Variants in NAA25 observed in about 807,000 individuals in gnomAD.
NAA25 encodes N-terminal acetyltransferase B complex subunit NAA25.
NAA25 carries 30 observed loss-of-function variants against 132.5 expected under a neutral mutation model. The ratio of observed to expected loss-of-function variants is 0.23; its 90% CI spans 0.17 to 0.31. The LOEUF (loss-of-function observed/expected upper bound fraction) is 0.31, where lower values mean the gene tolerates loss of function less well. Ranked by LOEUF, NAA25 falls within the 10% of genes least tolerant of loss-of-function variation. The pLI is 1.00. For missense variants in NAA25, 771 were observed against 1,150.4 expected (o/e 0.67, Z 4.77); for synonymous variants, 359 against 401.9 (o/e 0.89, Z 1.28).
Position 112,062,354 on chromosome 12 carries a change from T to C in NAA25, c.1150-966A>G, listed in dbSNP as rs796973651. ...AGGCAGAGGTTGCTGTGAGCCAAGA[T>C]TGTTCTACTGCACTCCAGCCTGGGC... On this transcript the variant is annotated intron_variant, in intron 11 of 23. Coordinates refer to ENST00000261745, the MANE Select transcript of NAA25 (RefSeq NM_024953.4). Among the ~76,000 whole-genome samples the C allele has an allele frequency of 1.8e-3, 274 of 151,096 alleles. 1 individual carries two copies. The highest frequency in any genetic ancestry group is 6.0e-3 in the African/African-American group (247 of 41,052).
chr12:112,043,547 C>G, intron 18 of NAA25, 78 bp downstream of exon 18: 1 of 1,511,278 alleles, frequency 6.6e-7, no homozygotes, highest in Non-Finnish European at 9.0e-7. Context: ...TACTACTCAC[C>G]CACCCCAAAC....
At chr12:112,051,754 A>G (rs1400463348) in intron 15 of NAA25, among the ~76,000 whole-genome samples, 2 of 152,212 alleles carry the variant, frequency 1.3e-5, no homozygotes, top group African/African-American at 4.8e-5. Flanking sequence ...AGGATGACAC[A>G]TCCCCTCAAA....
In NAA25 at chr12:112,043,647, C is replaced by T. The variant is rs1310579125; in HGVS notation, c.2228G>A (p.Arg743Gln). The T allele has an allele frequency of 6.2e-6, 10 of 1,614,074 alleles. No individual in the cohort carries two copies. The highest frequency in any genetic ancestry group is 3.3e-5 in the Admixed American group (2 of 60,012). The change falls in exon 18 of 24, where the codon CGA becomes CAA. Residue 743 changes from arginine to glutamine, a missense_variant. Arg to Gln is a conservative substitution (Grantham distance 43, BLOSUM62 1). Coordinates refer to ENST00000261745, the MANE Select transcript of NAA25 (RefSeq NM_024953.4). ...QLEATLETGK[R>Q]FIEKDIQYPF... Reference sequence around the variant, plus strand: ...TACCTGAATATCCTTCTCAATAAATCGCTTTCCTGTCTCCAGGGTTGCCTC... The same window carrying T: ...TACCTGAATATCCTTCTCAATAAATTGCTTTCCTGTCTCCAGGGTTGCCTC...
intron 9 of NAA25, 137 bp downstream of exon 9, chr12:112,074,538 A>T (rs2078867436): frequency 2.0e-6 from 1 of 496,868 alleles, no homozygotes; most frequent in Admixed American, 4.0e-5. Flanking sequence ...TACTTTAAAA[A>T]ATATGAAAAA....
At chr12:112,099,550 T>C (rs897295746) in intron 1 of NAA25, among the ~76,000 whole-genome samples, 2 of 152,122 alleles carry the variant, frequency 1.3e-5, no homozygotes, top group Non-Finnish European at 2.9e-5. Context: ...AAAAGAACGA[T>C]AGAAATTTGG....
In NAA25 at chr12:112,040,467, G is replaced by A; in HGVS notation, c.2538+14C>T. ...AGAACAACAATGTCTTTTAGGAAGA[G>A]AACAAAAACTTACCTCAACAAAGAA... is the stretch of plus-strand genomic sequence containing the variant. On this transcript the variant is annotated intron_variant, in intron 21 of 23. Coordinates refer to ENST00000261745, the MANE Select transcript of NAA25 (RefSeq NM_024953.4). 6.8e-7 allele frequency: 1 copy of A among 1,475,300 alleles called. No individual in the cohort carries two copies. Among genetic ancestry groups the A allele is most frequent in the African/African-American group, 1.4e-5 (1 of 71,756 alleles). The allele number at this position is 1,475,300 out of a possible 1,614,324, so 91.4% of individuals were successfully genotyped here. A position where few individuals can be genotyped will look rare whatever the true frequency, so the allele number is the denominator to read the frequency against.
At chr12:112,058,694 CG>C (rs1566010286) in intron 13 of NAA25, among the ~76,000 whole-genome samples, 1 of 152,046 alleles carries the variant, frequency 6.6e-6, no homozygotes. Context: ...GAGGCCGCGG[CG>C]GGTGGATCAC....
chr12:112,072,136 A>T, intron 9 of NAA25, 72 bp from the exon 10 acceptor site: 1 of 1,295,624 alleles, frequency 7.7e-7, no homozygotes, highest in Non-Finnish European at 1.1e-6. Context: ...GTCAAGCCAA[A>T]CTCATTTAAA....
chr12:112,072,696 T>C lies in NAA25; in HGVS notation c.867-632A>G, dbSNP rs367969080. On this transcript the variant is annotated intron_variant, in intron 9 of 23. Transcript: ENST00000261745. ...GCTCACACCTAAAATCCCAGCACTT[T>C]GGGATGCTGAGGTGGGAGGACTGCT... is the stretch of plus-strand genomic sequence containing the variant. Among the ~76,000 whole-genome samples the C allele has an allele frequency of 2.6e-5, 4 of 152,086 alleles. No homozygotes were observed. The East Asian group carries it at 5.8e-4, about 22-fold the overall frequency.
chr12:112,080,685 G>C (rs1202563780), intron 5 of NAA25, among the ~76,000 whole-genome samples: 1 of 152,068 alleles, frequency 6.6e-6, no homozygotes, highest in Admixed American at 6.5e-5. Context: ...ATTTTTAGTA[G>C]AGATGGGGTT....
At chr12:112,053,716 A>T in intron 14 of NAA25, 59 bp from the exon 15 acceptor site, 2 of 1,232,126 alleles carry the variant, frequency 1.6e-6, no homozygotes, top group Non-Finnish European at 2.3e-6. Flanking sequence ...ACCTAGCTCA[A>T]GTAACAAATA....
At chr12:112,035,677 CT>C (rs2078214890) in intron 22 of NAA25, among the ~76,000 whole-genome samples, 1 of 128,234 alleles carries the variant, frequency 7.8e-6, no homozygotes, top group Non-Finnish European at 1.5e-5. Flanking sequence ...GAAACATCAA[CT>C]TTCTTTTTTT....
intron 17 of NAA25, among the ~76,000 whole-genome samples, chr12:112,045,354 G>T (rs184597701): frequency 6.6e-6 from 1 of 152,054 alleles, no homozygotes; most frequent in African/African-American, 2.4e-5. Flanking sequence ...TTAGCCGGCC[G>T]TGGTGGCACA....
At chr12:112,060,098 C>T (rs1251972465) in intron 13 of NAA25, among the ~76,000 whole-genome samples, 172 bp downstream of exon 13, 3 of 152,174 alleles carry the variant, frequency 2.0e-5, no homozygotes, top group South Asian at 2.1e-4. Context: ...CATGAGCCAT[C>T]GCACCTGGCC....
intron 10 of NAA25, 159 bp from the exon 11 acceptor site, chr12:112,069,151 G>C (rs1209044035): frequency 1.7e-6 from 1 of 583,838 alleles, no homozygotes; most frequent in Non-Finnish European, 3.0e-6. Context: ...TTCAGTTACA[G>C]ACTGAACTCA....
At chr12:112,076,824 C>T (rs1192195502) in intron 7 of NAA25, among the ~76,000 whole-genome samples, 1 of 151,674 alleles carries the variant, frequency 6.6e-6, no homozygotes, top group Non-Finnish European at 1.5e-5. Flanking sequence ...ATTGAGACCC[C>T]ACCTCTACAA....
At chr12:112,038,465 T>G (rs2078256406) in intron 22 of NAA25, among the ~76,000 whole-genome samples, 2 of 152,220 alleles carry the variant, frequency 1.3e-5, no homozygotes, top group Non-Finnish European at 2.9e-5. Flanking sequence ...TTTACATGGT[T>G]CAACAAATGA....
At chr12:112,087,500 A>C (rs2079073143) in intron 4 of NAA25, among the ~76,000 whole-genome samples, 183 bp downstream of exon 4, 1 of 152,262 alleles carries the variant, frequency 6.6e-6, no homozygotes, top group African/African-American at 2.4e-5. Context: ...TAAAACATTT[A>C]AAGATCTTGA....
chr12:112,059,506 T>C (rs894047826), intron 13 of NAA25, among the ~76,000 whole-genome samples: 2 of 152,202 alleles, frequency 1.3e-5, no homozygotes, highest in Non-Finnish European at 2.9e-5. Flanking sequence ...ATCATCCTTC[T>C]CTTCCTCAAT....
Sources: gnomAD v4.1 joint callset for allele counts (sites outside exome capture counted in the v4.1 genomes callset) on GRCh38, gnomAD v4.1.1 for gene constraint, MANE v1.5 for transcripts, NCBI Gene and HGNC (gene_info 2026-07-23, HGNC 2026-07-21) for gene names.